Variants in HHIPL2 observed in about 807,000 individuals in gnomAD.
HHIPL2 encodes HHIP like 2, also known as HHIP-like protein 2.
HHIPL2 carries 61 observed loss-of-function variants against 61.0 expected under a neutral mutation model. That is an observed-to-expected ratio of 1.00 (90% CI 0.81 to 1.24). The LOEUF (loss-of-function observed/expected upper bound fraction) is 1.24. Among genes scored for constraint, HHIPL2 ranks in the 50% most tolerant of loss-of-function variants. HHIPL2 has a pLI of 0.00. For missense variants in HHIPL2, 885 were observed against 910.2 expected (o/e 0.97, Z 0.36); for synonymous variants, 343 against 357.4 (o/e 0.96, Z 0.45).
rs2102606910 is a variant in HHIPL2, at chr1:222,522,810, G to A, written c.1966C>T (p.Pro656Ser). 6.2e-7 allele frequency: 1 copy of A among 1,614,162 alleles called. No individual in the cohort carries two copies. Among genetic ancestry groups the A allele is most frequent in the South Asian group, 1.1e-5 (1 of 91,076 alleles). ...KSSSATLASG[P>S]AQGLSEKGSS... The stretch of plus-strand genomic sequence containing the variant: ...CCTTTCTCAGACAAACCCTGGGCTG[G>A]GCCAGAAGCTAAGGTTGCACTGGAA... The change falls in exon 9 of 9, where the codon CCA (proline) becomes TCA (serine). Residue 656 changes from proline to serine, a missense_variant. Coordinates refer to ENST00000343410, the MANE Select transcript of HHIPL2 (RefSeq NM_024746.4).
chr1:222,523,042 G>A (rs1161582754), intron 8 of HHIPL2, among the ~76,000 whole-genome samples, 155 bp from the exon 9 acceptor site: 1 of 151,820 alleles, frequency 6.6e-6, no homozygotes, highest in African/African-American at 2.4e-5. Flanking sequence ...GACTTTTTTA[G>A]AAGGGTCACT....
chr1:222,538,022 C>A (rs190501901), intron 5 of HHIPL2, among the ~76,000 whole-genome samples: 44 of 152,118 alleles, frequency 2.9e-4, no homozygotes, highest in African/African-American at 1.0e-3. Flanking sequence ...TTTTACAAAG[C>A]AATAAAAAAG....
intron 5 of HHIPL2, among the ~76,000 whole-genome samples, chr1:222,532,433 T>C (rs1332077066): frequency 6.6e-6 from 1 of 151,920 alleles, no homozygotes; most frequent in Non-Finnish European, 1.5e-5. Flanking sequence ...GCCAACATGG[T>C]GAAACCCCCA....
At chr1:222,534,602 CAG>C (rs1034277310) in intron 5 of HHIPL2, among the ~76,000 whole-genome samples, 22 of 107,006 alleles carry the variant, frequency 2.1e-4, no homozygotes, top group African/African-American at 9.1e-4. Flanking sequence ...AAAAAAATTA[CAG>C]AGAGATATGA....
At position 222,538,749 on chromosome 1, in the gene HHIPL2, A is replaced by G. The variant is rs759745490; in HGVS notation, c.1476T>C (p.Tyr492=). 2 of 1,614,082 alleles carry G rather than the reference A, an allele frequency of 1.2e-6. No individual in the cohort carries two copies. The highest frequency in any genetic ancestry group is 2.2e-5 in the East Asian group (1 of 44,894). Residue 492 remains tyrosine, a synonymous_variant, in exon 5 of 9, where the codon TAT becomes TAC. Transcript: ENST00000343410. ...SLDDVLPIYA[Y]GHAVGKSVTG... ...TGACTGACTTCCCCACTGCATGGCCATAAGCATAGATTGGCAGAACATCAT... is the reference window on the plus strand; with the variant it reads ...TGACTGACTTCCCCACTGCATGGCCGTAAGCATAGATTGGCAGAACATCAT...
At position 222,543,650 on chromosome 1, in the gene HHIPL2, G is replaced by A. The variant is rs773576615; in HGVS notation, c.861C>T (p.Arg287=). The A allele has an allele frequency of 2.5e-6, 4 of 1,614,074 alleles. No individual in the cohort carries two copies. Among genetic ancestry groups the A allele is most frequent in the East Asian group, 2.2e-5 (1 of 44,886 alleles). ...LAFHPKFRHN[R]KFYIYYSCLD... is the part of the protein sequence containing the mutation. Reference sequence around the variant, plus strand: ...GGCACGAATAATAAATATAGAACTTGCGATTGTGGCGGAATTTGGGGTGAA... The same window carrying A: ...GGCACGAATAATAAATATAGAACTTACGATTGTGGCGGAATTTGGGGTGAA... The change falls in exon 2 of 9, where the codon CGC becomes CGT. Residue 287 remains arginine (R), a synonymous_variant. Transcript: ENST00000343410.
chr1:222,537,623 C>T (rs1314304886), intron 5 of HHIPL2, among the ~76,000 whole-genome samples: 5 of 148,024 alleles, frequency 3.4e-5, no homozygotes, highest in South Asian at 2.1e-4. Context: ...CAGAGCGAGA[C>T]TCCATCTCAA....
intron 4 of HHIPL2, 42 bp downstream of exon 4, chr1:222,539,968 C>T (rs1207275851): frequency 1.9e-6 from 3 of 1,549,156 alleles, no homozygotes; most frequent in East Asian, 2.2e-5. Flanking sequence ...CTCCAGCCCA[C>T]TCAACTCATC....
At chr1:222,544,397 C>G (rs1659513785) in intron 1 of HHIPL2, among the ~76,000 whole-genome samples, 1 of 152,172 alleles carries the variant, frequency 6.6e-6, no homozygotes, top group African/African-American at 2.4e-5. Flanking sequence ...GAAAATCTCT[C>G]ATATTCACTG....
In HHIPL2 at chr1:222,528,450, T is replaced by C. The variant is rs925565819; in HGVS notation, c.1724-1400A>G. 3.3e-5 allele frequency among the ~76,000 whole-genome samples: 5 copies of C among 152,158 alleles called. No homozygotes were observed. The East Asian group carries it at 9.7e-4, about 29-fold the overall frequency. ...GGCAAAACCCCCTCTCTACTAAAAA[T>C]ACAAAAATTATCCAGGCGTGGTGGC... On this transcript the variant is annotated intron_variant, in intron 6 of 8. Coordinates refer to ENST00000343410, the MANE Select transcript of HHIPL2 (RefSeq NM_024746.4).
chr1:222,531,626 T>A (rs933146734), intron 6 of HHIPL2, among the ~76,000 whole-genome samples: 50 of 152,232 alleles, frequency 3.3e-4, no homozygotes, highest in African/African-American at 1.1e-3. Flanking sequence ...CGGGCGCCTG[T>A]AGTCCCAGCT....
intron 6 of HHIPL2, among the ~76,000 whole-genome samples, chr1:222,531,567 G>C (rs1308182497): frequency 6.6e-6 from 1 of 152,036 alleles, no homozygotes; most frequent in Non-Finnish European, 1.5e-5. Flanking sequence ...GGCCAACACG[G>C]CAAAACCCCG....
Position 222,532,015 on chromosome 1 carries a change from C to T in HHIPL2, c.1674G>A (p.Leu558=). The T allele has an allele frequency of 6.2e-7, 1 of 1,613,080 alleles. No individual in the cohort carries two copies. The highest frequency in any genetic ancestry group is 8.5e-7 in the Non-Finnish European group (1 of 1,179,136). Residue 558 remains leucine (L), a synonymous_variant, in exon 6 of 9, where the codon CTG becomes CTA. Coordinates refer to ENST00000343410, the MANE Select transcript of HHIPL2 (RefSeq NM_024746.4). The part of the protein sequence containing the change: ...GSTTSCAFPG[L]ISTHSKFIIS... ...TGATGAACTTGCTATGGGTGCTGAT[C>T]AGCCCTGGGAAGGCACAGGACGTGG...
chr1:222,527,998 C>T (rs931008346), intron 6 of HHIPL2, among the ~76,000 whole-genome samples: 2 of 152,114 alleles, frequency 1.3e-5, no homozygotes, highest in Non-Finnish European at 2.9e-5. Context: ...AGTGTGAAAA[C>T]GGACTAATAC....
intron 6 of HHIPL2, among the ~76,000 whole-genome samples, chr1:222,529,671 A>G (rs1489172348): frequency 6.6e-6 from 1 of 152,224 alleles, no homozygotes; most frequent in Non-Finnish European, 1.5e-5. Flanking sequence ...TGCTATACAA[A>G]TTTACTGCAA....
chr1:222,541,963 C>T (rs1242609156), intron 3 of HHIPL2, 49 bp downstream of exon 3: 1 of 1,551,230 alleles, frequency 6.4e-7, no homozygotes. Context: ...AAACACCACA[C>T]CAGGGGCTCA....
chr1:222,537,080 T>C (rs964777978), intron 5 of HHIPL2, among the ~76,000 whole-genome samples: 1 of 151,994 alleles, frequency 6.6e-6, no homozygotes, highest in African/African-American at 2.4e-5. Flanking sequence ...TATGACCAAG[T>C]GGTATTTTCC....
intron 1 of HHIPL2, among the ~76,000 whole-genome samples, chr1:222,546,122 G>T (rs956058387): frequency 2.8e-4 from 42 of 152,044 alleles, no homozygotes; most frequent in Non-Finnish European, 4.1e-4. Flanking sequence ...GCCAGGCACC[G>T]TTCTCTACAT....
At chr1:222,528,158 A>C (rs1233601513) in intron 6 of HHIPL2, among the ~76,000 whole-genome samples, 1 of 152,142 alleles carries the variant, frequency 6.6e-6, no homozygotes, top group East Asian at 1.9e-4. Flanking sequence ...CCCAGTGGAG[A>C]GTCCCAGAAG....
Sources: gnomAD v4.1 joint callset for allele counts (sites outside exome capture counted in the v4.1 genomes callset) on GRCh38, gnomAD v4.1.1 for gene constraint, MANE v1.5 for transcripts, NCBI Gene and HGNC (gene_info 2026-07-23, HGNC 2026-07-21) for gene names.